Variants in GRB2 observed in about 807,000 individuals in gnomAD.
GRB2 encodes growth factor receptor bound protein 2, also known as growth factor receptor-bound protein 2.
A neutral mutation model predicts 27.4 loss-of-function variants in GRB2; 2 were observed. The observed-to-expected ratio is 0.07, with a 90% confidence interval of 0.03 to 0.23. The LOEUF (loss-of-function observed/expected upper bound fraction) is 0.23. Among genes scored for constraint, GRB2 ranks in the 10% least tolerant of loss-of-function variants. The probability of loss-of-function intolerance (pLI) is 1.00; values close to 1 mark genes in which losing one functional copy is unlikely to be tolerated. For missense variants in GRB2, 102 were observed against 282.4 expected (o/e 0.36, Z 4.58); for synonymous variants, 94 against 99.6 (o/e 0.94, Z 0.33).
In GRB2 at chr17:75,392,929, G is replaced by A. The variant is rs189128621; in HGVS notation, c.78+622C>T. Among the ~76,000 whole-genome samples, 263 of 152,290 alleles carry A rather than the reference G, an allele frequency of 1.7e-3. 4 individuals carry two copies. The highest frequency in any genetic ancestry group is 5.3e-3 in the African/African-American group (219 of 41,536). On this transcript the variant is annotated intron_variant, in intron 2 of 5. Transcript: ENST00000316804. ...TCGTGCAATTAGAGTTTAATATGGG[G>A]TAATTGCTCCTCAAGTTTCTTTTAA...
intron 4 of GRB2, among the ~76,000 whole-genome samples, 175 bp from the exon 5 acceptor site, chr17:75,322,002 T>C (rs1190897619): frequency 6.6e-6 from 1 of 152,108 alleles, no homozygotes; most frequent in African/African-American, 2.4e-5. Flanking sequence ...TCCCTATGAA[T>C]GATGGGCACC....
chr17:75,324,587 G>A (rs939418316), intron 4 of GRB2, among the ~76,000 whole-genome samples: 5 of 131,610 alleles, frequency 3.8e-5, no homozygotes, highest in East Asian at 4.9e-4. Flanking sequence ...GCGCCATCTC[G>A]CCTCACTACA....
At position 75,382,873 on chromosome 17, in the gene GRB2, TAA is replaced by T. The variant is rs375257947; in HGVS notation, c.78+10676_78+10677del. On this transcript the variant is annotated intron_variant, in intron 2 of 5. Coordinates refer to ENST00000316804, the MANE Select transcript of GRB2 (RefSeq NM_002086.5). Reference sequence around the variant, plus strand: ...ACAGGCGCCTGCCACCACGCCCAGCTAATTTTTTGTATTTTTAGTAGAGACGG... The same window carrying T: ...ACAGGCGCCTGCCACCACGCCCAGCTTTTTTTGTATTTTTAGTAGAGACGG... Among the ~76,000 whole-genome samples, 1,257 of 152,220 alleles carry T rather than the reference TAA, an allele frequency of 8.3e-3. 12 individuals are homozygous for T. Among genetic ancestry groups the T allele is most frequent in the African/African-American group, 0.029 (1,203 of 41,532 alleles).
At chr17:75,388,097 T>C (rs2078976085) in intron 2 of GRB2, among the ~76,000 whole-genome samples, 1 of 152,082 alleles carries the variant, frequency 6.6e-6, no homozygotes, top group South Asian at 2.1e-4. Context: ...TCCCTTCCTT[T>C]TTTGTTTTTG....
intron 2 of GRB2, among the ~76,000 whole-genome samples, chr17:75,381,091 A>G (rs1459876158): frequency 6.6e-6 from 1 of 152,244 alleles, no homozygotes; most frequent in African/African-American, 2.4e-5. Flanking sequence ...AACAGAAACA[A>G]GTGAAATATA....
chr17:75,335,775 T>C (rs2078572974), intron 2 of GRB2, among the ~76,000 whole-genome samples: 2 of 152,202 alleles, frequency 1.3e-5, no homozygotes, highest in Admixed American at 1.3e-4. Flanking sequence ...TAAATATTGA[T>C]AGAGTATTGA....
intron 2 of GRB2, among the ~76,000 whole-genome samples, chr17:75,378,276 G>C (rs111598470): frequency 0.072 from 11,023 of 152,134 alleles, 497 homozygotes; most frequent in South Asian, 0.13. Flanking sequence ...TGTAATCCTA[G>C]CTACTTGGGA....
intron 3 of GRB2, among the ~76,000 whole-genome samples, chr17:75,331,516 C>A (rs914763409): frequency 2.6e-5 from 4 of 152,212 alleles, no homozygotes; most frequent in Non-Finnish European, 5.9e-5. Flanking sequence ...ACAGGCATGT[C>A]ATATAAGAAG....
rs140480703 is a variant in GRB2 at position 75,341,316 on chromosome 17, C to G, written c.79-8519G>C. 9.7e-3 allele frequency among the ~76,000 whole-genome samples: 1,463 copies of G among 151,084 alleles called. 27 individuals carry two copies. The highest frequency in any genetic ancestry group is 0.049 in the South Asian group (232 of 4,738). Reference sequence around the variant, plus strand: ...GGCTTGGTGGTGCGTGCCTGTAATCCCAGCTACTCAGGAGGCTGAGGCAGG... The same window carrying G: ...GGCTTGGTGGTGCGTGCCTGTAATCGCAGCTACTCAGGAGGCTGAGGCAGG... On this transcript the variant is annotated intron_variant, in intron 2 of 5. Transcript: ENST00000316804.
chr17:75,324,366 A>ATTT lies in GRB2; in HGVS notation c.299+1529_299+1531dup, dbSNP rs1156329058. ...GCCACCACGCCGAGGCCATTTTTGT[A>ATTT]TTTTTTTTTTTTTTTTTTTTTTTAG... On this transcript the variant is annotated intron_variant, in intron 4 of 5. Transcript: ENST00000316804. 9.1e-3 allele frequency among the ~76,000 whole-genome samples: 853 copies of ATTT among 93,540 alleles called. 13 individuals carry two copies. Among genetic ancestry groups the ATTT allele is most frequent in the South Asian group, 0.043 (119 of 2,768 alleles). The allele number at this position is 93,540 out of a possible 152,430, so 61.4% of individuals were successfully genotyped here.
intron 2 of GRB2, among the ~76,000 whole-genome samples, chr17:75,339,594 G>T (rs2078606537): frequency 6.6e-6 from 1 of 150,440 alleles, no homozygotes; most frequent in African/African-American, 2.4e-5. Flanking sequence ...GACCTATAAT[G>T]ATATATACAT....
At chr17:75,393,367 A>C in intron 2 of GRB2, 184 bp downstream of exon 2, 1 of 618,596 alleles carries the variant, frequency 1.6e-6, no homozygotes. Context: ...CACACATCAC[A>C]CCAACTCACT....
At chr17:75,367,630 C>G (rs1431188409) in intron 2 of GRB2, among the ~76,000 whole-genome samples, 1 of 152,198 alleles carries the variant, frequency 6.6e-6, no homozygotes, top group African/African-American at 2.4e-5. Flanking sequence ...GCCCTTTATT[C>G]TTTACTTGAT....
At chr17:75,337,438 T>A (rs1427632111) in intron 2 of GRB2, among the ~76,000 whole-genome samples, 3 of 151,922 alleles carry the variant, frequency 2.0e-5, no homozygotes, top group Non-Finnish European at 4.4e-5. Context: ...CAAATGAATG[T>A]TGAAGAGCTC....
At chr17:75,324,160 TCA>T (rs201496590) in intron 4 of GRB2, among the ~76,000 whole-genome samples, 3,267 of 151,706 alleles carry the variant, frequency 0.022, 55 homozygotes, top group Middle Eastern at 0.055. Flanking sequence ...TACATTTTAA[TCA>T]CACATTAAGT....
At chr17:75,338,688 G>T (rs2078598341) in intron 2 of GRB2, 7 of 409,958 alleles carry the variant, frequency 1.7e-5, no homozygotes, top group South Asian at 9.8e-5. Flanking sequence ...TTGTTTTTTG[G>T]TTTTTTTTTG....
chr17:75,320,629 C>T lies in GRB2; in HGVS notation c.469-76G>A. On this transcript the variant is annotated intron_variant, in intron 5 of 5. Transcript: ENST00000316804. The surrounding 1 kb of genome is among the most constrained non-coding windows in gnomAD (Gnocchi z 4.3). ...GGCCACCTCCGAGGCCAGATGGGTT[C>T]CAGGGGGAAACGAATGCGTGCCAAA... 1 of 1,133,612 alleles carries T rather than the reference C, an allele frequency of 8.8e-7. No homozygotes were observed. Among genetic ancestry groups the T allele is most frequent in the Non-Finnish European group, 1.3e-6 (1 of 765,172 alleles). 70.2% of individuals were successfully genotyped at this position (1,133,612 alleles called of 1,614,324 possible).
chr17:75,359,073 G>A (rs568985262), intron 2 of GRB2, among the ~76,000 whole-genome samples: 3 of 146,440 alleles, frequency 2.0e-5, no homozygotes, highest in Admixed American at 6.9e-5. Flanking sequence ...AAATTAGCTC[G>A]GTGTGGTGGC....
intron 3 of GRB2, among the ~76,000 whole-genome samples, chr17:75,331,512 A>G (rs1053522238): frequency 1.3e-5 from 2 of 152,236 alleles, no homozygotes; most frequent in Admixed American, 6.5e-5. Flanking sequence ...AGCCACAGGC[A>G]TGTCATATAA....
Sources: allele counts gnomAD v4.1 joint callset (sites outside exome capture counted in the v4.1 genomes callset), GRCh38; gene constraint gnomAD v4.1.1; non-coding constraint Gnocchi (gnomAD v3.1); transcripts MANE v1.5; gene names NCBI Gene and HGNC (gene_info 2026-07-23, HGNC 2026-07-21).